Variants in SLC8A1 observed in about 807,000 individuals in gnomAD.
The protein encoded by SLC8A1 is sodium/calcium exchanger 1.
In SLC8A1, 18 loss-of-function variants were observed where a neutral mutation model predicts 68.3. That is an observed-to-expected ratio of 0.26 (90% CI 0.18 to 0.39). The LOEUF (loss-of-function observed/expected upper bound fraction) is 0.39. SLC8A1 is among the 10% of genes least tolerant of loss of function. The pLI is 1.00. For synonymous variants in SLC8A1, 475 were observed against 415.5 expected (o/e 1.14, Z -1.74); for missense variants, 985 against 1,156.7 (o/e 0.85, Z 2.15).
At chr2:40,477,857 T>C (rs1322594851) in intron 1 of SLC8A1, among the ~76,000 whole-genome samples, 1 of 152,204 alleles carries the variant, frequency 6.6e-6, no homozygotes, top group African/African-American at 2.4e-5. Context: ...CATAGCTTGA[T>C]GTGGCTTACT....
At chr2:40,225,713 G>A (rs558178858) in intron 2 of SLC8A1, among the ~76,000 whole-genome samples, 47 of 152,180 alleles carry the variant, frequency 3.1e-4, no homozygotes, top group Non-Finnish European at 5.6e-4. Flanking sequence ...TCCAGTGGGA[G>A]TTGGGGTGGC....
At chr2:40,164,198 T>G (rs1054408926) in intron 5 of SLC8A1, among the ~76,000 whole-genome samples, 1 of 152,056 alleles carries the variant, frequency 6.6e-6, no homozygotes, top group Non-Finnish European at 1.5e-5. Context: ...ACAGGAAATT[T>G]CACTTCAAAG....
At chr2:40,334,117 A>T (rs1332785066) in intron 2 of SLC8A1, among the ~76,000 whole-genome samples, 1 of 152,204 alleles carries the variant, frequency 6.6e-6, no homozygotes, top group East Asian at 1.9e-4. Flanking sequence ...CAACATCATC[A>T]ACATATCTAT....
At chr2:40,270,536 G>A (rs2065899089) in intron 2 of SLC8A1, among the ~76,000 whole-genome samples, 1 of 152,140 alleles carries the variant, frequency 6.6e-6, no homozygotes, top group Admixed American at 6.5e-5. Context: ...TTCACAGTCA[G>A]CAACATTGCA....
At chr2:40,387,028 G>A (rs1016047961) in intron 2 of SLC8A1, among the ~76,000 whole-genome samples, 3 of 151,292 alleles carry the variant, frequency 2.0e-5, no homozygotes, top group Non-Finnish European at 4.4e-5. Flanking sequence ...AATTCACAGA[G>A]ATCAAATTGT....
At chr2:40,500,942 G>C (rs548631915) in intron 1 of SLC8A1, among the ~76,000 whole-genome samples, 1 of 151,346 alleles carries the variant, frequency 6.6e-6, no homozygotes, top group East Asian at 2.0e-4. Flanking sequence ...AGGACCCTCA[G>C]CCAAATCTAT....
chr2:40,292,243 G>A (rs537081526), intron 2 of SLC8A1, among the ~76,000 whole-genome samples: 1 of 152,066 alleles, frequency 6.6e-6, no homozygotes, highest in Non-Finnish European at 1.5e-5. Flanking sequence ...CAGAACTTTT[G>A]TACCCCTGAT....
intron 2 of SLC8A1, among the ~76,000 whole-genome samples, chr2:40,425,309 A>G (rs774513994): frequency 1.5e-4 from 22 of 150,820 alleles, no homozygotes; most frequent in Non-Finnish European, 2.4e-4. Flanking sequence ...AGACATTTTT[A>G]TATTATAAAT....
intron 2 of SLC8A1, among the ~76,000 whole-genome samples, chr2:40,214,419 T>C (rs1402211338): frequency 6.6e-6 from 1 of 151,830 alleles, no homozygotes. Context: ...TAGCAGATCA[T>C]TTCTTTGTAC....
At chr2:40,340,987 CTATGAACTGCTT>C (rs1228324730) in intron 2 of SLC8A1, among the ~76,000 whole-genome samples, 1 of 152,164 alleles carries the variant, frequency 6.6e-6, no homozygotes. Context: ...TCATATCCTA[CTATGAACTGCTT>C]TATGAGATCC....
In SLC8A1 at chr2:40,413,251, G is replaced by A. The variant is rs987540852; in HGVS notation, c.1808+15222C>T. 5.3e-5 allele frequency among the ~76,000 whole-genome samples: 8 copies of A among 152,030 alleles called. No homozygotes were observed. The South Asian group carries it at 1.7e-3, about 32-fold the overall frequency. ...ATTTGGCCCAGCCATCCCATTACTG[G>A]GTATATACCCAAAGGTTTATAAATC... On this transcript the variant is annotated intron_variant, in intron 2 of 7. Transcript: ENST00000406785.
At chr2:40,322,454 T>C (rs2075310949) in intron 2 of SLC8A1, among the ~76,000 whole-genome samples, 1 of 146,646 alleles carries the variant, frequency 6.8e-6, no homozygotes, top group Non-Finnish European at 1.5e-5. Flanking sequence ...GGCCAGGAGT[T>C]CAAGGCCAGC....
intron 2 of SLC8A1, among the ~76,000 whole-genome samples, chr2:40,386,847 T>C (rs58391222): frequency 0.045 from 6,861 of 151,138 alleles, 488 homozygotes; most frequent in African/African-American, 0.12. Context: ...AATGTATCCC[T>C]AAAATACCAT....
chr2:40,507,221 TCTTTA>T (rs1216219579), intron 1 of SLC8A1, among the ~76,000 whole-genome samples: 1 of 151,966 alleles, frequency 6.6e-6, no homozygotes, highest in African/African-American at 2.4e-5. Context: ...TTTCCAATCG[TCTTTA>T]CTTACATAAT....
intron 2 of SLC8A1, among the ~76,000 whole-genome samples, chr2:40,314,452 T>G (rs1255420292): frequency 6.6e-6 from 1 of 152,044 alleles, no homozygotes; most frequent in Non-Finnish European, 1.5e-5. Flanking sequence ...TTTGTTCTTT[T>G]TTTCCAGTGG....
intron 2 of SLC8A1, among the ~76,000 whole-genome samples, chr2:40,265,387 AC>A (rs1004623595): frequency 6.6e-6 from 1 of 152,032 alleles, no homozygotes; most frequent in Non-Finnish European, 1.5e-5. Flanking sequence ...GAAATAAAAC[AC>A]CCTGTGAATG....
intron 6 of SLC8A1, among the ~76,000 whole-genome samples, chr2:40,154,490 T>C (rs1434134555): frequency 1.4e-5 from 2 of 145,944 alleles, no homozygotes; most frequent in Non-Finnish European, 3.0e-5. Flanking sequence ...TTTTCTTTTT[T>C]TTTTTTTTTT....
chr2:40,305,124 G>C (rs912930184), intron 2 of SLC8A1, among the ~76,000 whole-genome samples: 11 of 152,186 alleles, frequency 7.2e-5, no homozygotes, highest in Non-Finnish European at 1.5e-4. Context: ...CAAGGCTCTA[G>C]GAAACAGCCT....
intron 2 of SLC8A1, among the ~76,000 whole-genome samples, chr2:40,210,955 C>A (rs896082295): frequency 1.3e-5 from 2 of 152,234 alleles, no homozygotes. Flanking sequence ...ATAACTTACA[C>A]AGGACATAGT....
Sources: allele counts gnomAD v4.1 joint callset (sites outside exome capture counted in the v4.1 genomes callset), GRCh38; gene constraint gnomAD v4.1.1; transcripts MANE v1.5; gene names NCBI Gene and HGNC (gene_info 2026-07-23, HGNC 2026-07-21).